The following NSMCE2 variants were observed in gnomAD, a reference collection of about 807,000 sequenced individuals.
NSMCE2 encodes NSE2 SUMO ligase component of SMC5/6 complex, also known as E3 SUMO-protein ligase NSE2.
In NSMCE2, 24 loss-of-function variants were observed where a neutral mutation model predicts 23.8. The observed-to-expected ratio is 1.01, with a 90% CI of 0.73 to 1.42. The LOEUF is 1.42. Ranked by LOEUF, NSMCE2 falls within the 40% of genes most tolerant of loss-of-function variation. The probability of loss-of-function intolerance (pLI) is 0.00; values close to 1 mark genes in which losing one functional copy is unlikely to be tolerated. For synonymous variants in NSMCE2, 92 were observed against 94.1 expected (o/e 0.98, Z 0.13); for missense variants, 284 against 296.5 (o/e 0.96, Z 0.31).
chr8:125,344,052 T>A (rs535948088), intron 5 of NSMCE2, among the ~76,000 whole-genome samples: 1 of 152,240 alleles, frequency 6.6e-6, no homozygotes, highest in African/African-American at 2.4e-5. Context: ...ATAATACATC[T>A]AGAAAATACA....
intron 3 of NSMCE2, among the ~76,000 whole-genome samples, chr8:125,142,003 C>T (rs536135669): frequency 1.7e-4 from 26 of 152,160 alleles, no homozygotes; most frequent in Middle Eastern, 6.8e-3. Flanking sequence ...TTCAGTTTCA[C>T]GCTTTAGAAG....
At chr8:125,242,824 C>G (rs1825810952) in intron 5 of NSMCE2, among the ~76,000 whole-genome samples, 1 of 152,056 alleles carries the variant, frequency 6.6e-6, no homozygotes, top group South Asian at 2.1e-4. Flanking sequence ...ACCTGGTTTA[C>G]TCTCAGCAAA....
chr8:125,263,055 G>A (rs1826765345), intron 5 of NSMCE2, among the ~76,000 whole-genome samples: 1 of 152,144 alleles, frequency 6.6e-6, no homozygotes, highest in Non-Finnish European at 1.5e-5. Context: ...TGAGGTAGCT[G>A]GGGGAATGAT....
chr8:125,253,488 T>C (rs1586674577), intron 5 of NSMCE2, among the ~76,000 whole-genome samples: 2 of 152,236 alleles, frequency 1.3e-5, no homozygotes, highest in South Asian at 4.1e-4. Context: ...TTTTTATGTT[T>C]GTTTGTTTTG....
chr8:125,281,058 T>G (rs961932058), intron 5 of NSMCE2, among the ~76,000 whole-genome samples: 2 of 152,214 alleles, frequency 1.3e-5, no homozygotes, highest in African/African-American at 4.8e-5. Flanking sequence ...ACCTTTTCTT[T>G]TTTGTCTACA....
intron 5 of NSMCE2, among the ~76,000 whole-genome samples, chr8:125,190,115 G>A (rs1456631902): frequency 1.3e-5 from 2 of 152,130 alleles, no homozygotes; most frequent in African/African-American, 4.8e-5. Flanking sequence ...GAGAGCTTAT[G>A]TTCATTGAGT....
At chr8:125,150,678 G>A (rs192197904) in intron 3 of NSMCE2, among the ~76,000 whole-genome samples, 58 of 151,912 alleles carry the variant, frequency 3.8e-4, no homozygotes, top group African/African-American at 1.2e-3. Flanking sequence ...CACCACGCCC[G>A]GCTGCTATCT....
intron 5 of NSMCE2, among the ~76,000 whole-genome samples, chr8:125,344,919 A>G (rs1225107840): frequency 6.6e-6 from 1 of 152,002 alleles, no homozygotes; most frequent in Admixed American, 6.6e-5. Context: ...ATAATTCTAC[A>G]GTTCTCTTAA....
chr8:125,165,858 T>G (rs1821849177), intron 4 of NSMCE2, among the ~76,000 whole-genome samples: 1 of 152,164 alleles, frequency 6.6e-6, no homozygotes, highest in South Asian at 2.1e-4. Context: ...TTGATAGGTG[T>G]GCTAGTGGGA....
intron 5 of NSMCE2, among the ~76,000 whole-genome samples, chr8:125,351,008 A>G (rs1813009156): frequency 6.6e-6 from 1 of 152,244 alleles, no homozygotes; most frequent in East Asian, 1.9e-4. Flanking sequence ...GGGGCTGGAT[A>G]TGGAATATGG....
intron 5 of NSMCE2, among the ~76,000 whole-genome samples, chr8:125,288,624 T>C (rs7831918): frequency 0.11 from 17,084 of 152,142 alleles, 1,364 homozygotes; most frequent in African/African-American, 0.22. Context: ...ACTTTGGTTG[T>C]TGTTACTGTT....
intron 5 of NSMCE2, among the ~76,000 whole-genome samples, chr8:125,258,035 A>G (rs1826520168): frequency 6.6e-6 from 1 of 152,176 alleles, no homozygotes; most frequent in Non-Finnish European, 1.5e-5. Flanking sequence ...GATTGAAGAG[A>G]GAAGAAAAAG....
intron 3 of NSMCE2, among the ~76,000 whole-genome samples, chr8:125,133,630 G>T (rs888328598): frequency 2.6e-5 from 4 of 151,852 alleles, no homozygotes; most frequent in African/African-American, 9.7e-5. Flanking sequence ...AATCCCCCCA[G>T]CTACTCTGGA....
At chr8:125,236,630 G>A (rs1825567848) in intron 5 of NSMCE2, among the ~76,000 whole-genome samples, 1 of 152,080 alleles carries the variant, frequency 6.6e-6, no homozygotes, top group Non-Finnish European at 1.5e-5. Context: ...GGGAAGGAAC[G>A]AGAAAGGAAC....
At chr8:125,342,805 C>T (rs1365358173) in intron 5 of NSMCE2, among the ~76,000 whole-genome samples, 3 of 152,132 alleles carry the variant, frequency 2.0e-5, no homozygotes, top group African/African-American at 7.2e-5. Context: ...TTCAGGTAGC[C>T]CTGCCTCGAT....
In NSMCE2 at chr8:125,107,394, A is replaced by G. The variant is rs1487848960; in HGVS notation, c.157+4907A>G. 2.0e-5 allele frequency among the ~76,000 whole-genome samples: 3 copies of G among 151,904 alleles called. No individual in the cohort carries two copies. The East Asian group carries it at 5.9e-4, about 30-fold the overall frequency. On this transcript the variant is annotated intron_variant, in intron 3 of 7. Coordinates refer to ENST00000287437, the MANE Select transcript of NSMCE2 (RefSeq NM_173685.4). ...TCTTTAGTGGAGACGGGGTTTCACCATGTTGTCCAGGGTGGTCTTGAACTC... is the reference window on the plus strand; with the variant it reads ...TCTTTAGTGGAGACGGGGTTTCACCGTGTTGTCCAGGGTGGTCTTGAACTC...
rs1320863928 is a variant in NSMCE2, at chr8:125,222,361, T to C, written c.418+40105T>C. 3.3e-5 allele frequency among the ~76,000 whole-genome samples: 5 copies of C among 152,190 alleles called. No homozygotes were observed. The East Asian group carries it at 9.6e-4, about 29-fold the overall frequency. On this transcript the variant is annotated intron_variant, in intron 5 of 7. Coordinates refer to ENST00000287437, the MANE Select transcript of NSMCE2 (RefSeq NM_173685.4). ...ATATCTGTCACCTCATTTCCTTTTT[T>C]GTGGTGAAAACTTTTGAAATCTCCT... is the stretch of plus-strand genomic sequence containing the variant.
chr8:125,259,299 C>T lies in NSMCE2; in HGVS notation c.418+77043C>T, dbSNP rs1351041520. 2.0e-5 allele frequency among the ~76,000 whole-genome samples: 3 copies of T among 152,118 alleles called. 1 individual carries two copies. Among genetic ancestry groups the T allele is most frequent in the South Asian group, 2.1e-4 (1 of 4,834 alleles). ...TTGCAGTAGAGCAGGAGTCCCCAGTCGGTGGCCTGTTAGGAACTGGGCCGC... is the reference window on the plus strand; with the variant it reads ...TTGCAGTAGAGCAGGAGTCCCCAGTTGGTGGCCTGTTAGGAACTGGGCCGC... On this transcript the variant is annotated intron_variant, in intron 5 of 7. Transcript: ENST00000287437.
At chr8:125,258,103 C>A (rs960247222) in intron 5 of NSMCE2, among the ~76,000 whole-genome samples, 1 of 152,130 alleles carries the variant, frequency 6.6e-6, no homozygotes, top group African/African-American at 2.4e-5. Context: ...GAGTCAAGGG[C>A]AGTCTTTTGG....
Sources: gnomAD v4.1 joint callset for allele counts (sites outside exome capture counted in the v4.1 genomes callset) on GRCh38, gnomAD v4.1.1 for gene constraint, MANE v1.5 for transcripts, NCBI Gene and HGNC (gene_info 2026-07-23, HGNC 2026-07-21) for gene names.